Variants in NYAP2 observed in about 807,000 individuals in gnomAD.
NYAP2 encodes neuronal tyrosine-phosphorylated phosphoinositide-3-kinase adapter 2.
In NYAP2, 23 loss-of-function variants were observed where a neutral mutation model predicts 50.4. The ratio of observed to expected loss-of-function variants is 0.46; its 90% CI spans 0.33 to 0.65. The LOEUF is 0.65. NYAP2 is among the 30% of genes least tolerant of loss of function. The pLI, the probability that NYAP2 is intolerant of heterozygous loss-of-function variation, is 0.02. For missense variants in NYAP2, 885 were observed against 861.0 expected (o/e 1.03, Z -0.35); for synonymous variants, 394 against 365.2 (o/e 1.08, Z -0.90).
intron 3 of NYAP2, among the ~76,000 whole-genome samples, chr2:225,477,586 T>A (rs1488128673): frequency 6.6e-6 from 1 of 152,146 alleles, no homozygotes; most frequent in Non-Finnish European, 1.5e-5. Context: ...ACTGCTGGTC[T>A]CTGGACCTAA....
Position 225,498,462 on chromosome 2 carries a change from C to A in NYAP2, c.222-14909C>A, listed in dbSNP as rs183249917. Among the ~76,000 whole-genome samples, 512 of 151,892 alleles carry A rather than the reference C, an allele frequency of 3.4e-3. 9 individuals carry two copies. Among genetic ancestry groups the A allele is most frequent in the Admixed American group, 0.03 (455 of 15,270 alleles). ...TGACGAGATAAGAAAGAAGGCTGGG[C>A]CACATTAAGCAGAGCTTAAATTCCT... On this transcript the variant is annotated intron_variant, in intron 3 of 6. Coordinates refer to ENST00000636099, the Ensembl canonical transcript of NYAP2.
At chr2:225,673,449 T>C in the NYAP2 span, among the ~76,000 whole-genome samples, 1 of 119,444 alleles carries the variant, frequency 8.4e-6, no homozygotes, top group Non-Finnish European at 1.9e-5. Context: ...TTGCCTCAAA[T>C]CTTCAATTTA....
intron 3 of NYAP2, among the ~76,000 whole-genome samples, chr2:225,509,970 T>C (rs1040813275): frequency 1.3e-5 from 2 of 152,188 alleles, no homozygotes; most frequent in Admixed American, 1.3e-4. Context: ...AGATTGGTTT[T>C]AGTCAGTGGA....
chr2:225,401,834 G>C (rs1013096208), intron 2 of NYAP2, among the ~76,000 whole-genome samples: 2 of 151,776 alleles, frequency 1.3e-5, no homozygotes, highest in Non-Finnish European at 2.9e-5. Context: ...CATAGAATTG[G>C]ATTTTTTTTT....
At chr2:225,521,838 C>T (rs1217567990) in intron 4 of NYAP2, among the ~76,000 whole-genome samples, 16 of 152,114 alleles carry the variant, frequency 1.1e-4, no homozygotes, top group South Asian at 4.2e-4. Flanking sequence ...GGAATAATTT[C>T]GGAAGGAATG....
intron 3 of NYAP2, among the ~76,000 whole-genome samples, chr2:225,431,404 A>T (rs187372558): frequency 3.9e-4 from 59 of 152,300 alleles, no homozygotes; most frequent in African/African-American, 1.3e-3. Flanking sequence ...CTGCTTATCT[A>T]GTTTAAGCTT....
intron 3 of NYAP2, among the ~76,000 whole-genome samples, chr2:225,425,155 C>T (rs1695268626): frequency 6.6e-6 from 1 of 152,288 alleles, no homozygotes; most frequent in South Asian, 2.1e-4. Context: ...GCCATGTAAT[C>T]TCCCACCGTT....
At position 225,474,187 on chromosome 2, in the gene NYAP2, G is replaced by A. The variant is rs548198043; in HGVS notation, c.222-39184G>A. On this transcript the variant is annotated intron_variant, in intron 3 of 6. Coordinates refer to ENST00000636099, the Ensembl canonical transcript of NYAP2. ...GGTCTATATCTCTCTTTTGGTACCAGTACCATGCTGTTTTGGTTACTGTAG... is the reference window on the plus strand; with the variant it reads ...GGTCTATATCTCTCTTTTGGTACCAATACCATGCTGTTTTGGTTACTGTAG... 5.1e-3 allele frequency among the ~76,000 whole-genome samples: 770 copies of A among 152,274 alleles called. 5 individuals carry two copies. Among genetic ancestry groups the A allele is most frequent in the Non-Finnish European group, 7.1e-3 (485 of 68,014 alleles).
intron 3 of NYAP2, among the ~76,000 whole-genome samples, chr2:225,426,310 T>C (rs1199236460): frequency 6.6e-6 from 1 of 152,150 alleles, no homozygotes; most frequent in Non-Finnish European, 1.5e-5. Context: ...GTTTTCTCCA[T>C]GTAATATCAG....
intron 6 of NYAP2, 146 bp downstream of exon 6, chr2:225,627,272 T>C (rs1372339450): frequency 3.0e-6 from 2 of 660,554 alleles, no homozygotes; most frequent in African/African-American, 1.8e-5. Context: ...GTAGGTTACA[T>C]AAAGGGATAT....
intron 3 of NYAP2, among the ~76,000 whole-genome samples, chr2:225,450,956 A>C (rs151025510): frequency 2.0e-4 from 30 of 152,308 alleles, no homozygotes; most frequent in African/African-American, 7.2e-4. Flanking sequence ...GGAATAGATG[A>C]AAAAATATCA....
chr2:225,694,951 A>G, the NYAP2 span, among the ~76,000 whole-genome samples: 2 of 151,964 alleles, frequency 1.3e-5, no homozygotes, highest in Admixed American at 1.3e-4. Context: ...GTCTGAAAAA[A>G]AAAGTTATTT....
intron 4 of NYAP2, among the ~76,000 whole-genome samples, chr2:225,529,083 C>A: frequency 6.6e-6 from 1 of 152,112 alleles, no homozygotes; most frequent in East Asian, 1.9e-4. Flanking sequence ...AAGTATTGTG[C>A]TAAATTATTG....
chr2:225,401,143 G>A (rs1429897682), intron 2 of NYAP2, 100 bp downstream of exon 2: 6 of 152,426 alleles, frequency 3.9e-5, no homozygotes, highest in Non-Finnish European at 4.4e-5. Context: ...TTTTAGTTAG[G>A]GATACTTAAT....
chr2:225,470,206 AT>A (rs200103585), intron 3 of NYAP2, among the ~76,000 whole-genome samples: 2 of 151,862 alleles, frequency 1.3e-5, no homozygotes, highest in African/African-American at 4.8e-5. Flanking sequence ...TTGTGACCTG[AT>A]TTTTTTTGTG....
At chr2:225,685,431 T>A in the NYAP2 span, among the ~76,000 whole-genome samples, 1 of 152,186 alleles carries the variant, frequency 6.6e-6, no homozygotes, top group Non-Finnish European at 1.5e-5. Context: ...TCAGGGAATA[T>A]CTCTTTAGAA....
chr2:225,674,029 A>G, the NYAP2 span, among the ~76,000 whole-genome samples: 45 of 152,134 alleles, frequency 3.0e-4, no homozygotes, highest in Non-Finnish European at 5.6e-4. Flanking sequence ...GGGCTGAGGA[A>G]GTCAGGTGAA....
intron 4 of NYAP2, among the ~76,000 whole-genome samples, chr2:225,563,596 C>T (rs910731508): frequency 6.6e-6 from 1 of 151,938 alleles, no homozygotes; most frequent in Admixed American, 6.6e-5. Context: ...TAATTGATTA[C>T]AGTATTTACA....
At chr2:225,539,489 A>G (rs1691419484) in intron 4 of NYAP2, among the ~76,000 whole-genome samples, 1 of 152,188 alleles carries the variant, frequency 6.6e-6, no homozygotes, top group South Asian at 2.1e-4. Flanking sequence ...CTGTTTCTCC[A>G]CATCCTCTCC....
Sources: gnomAD v4.1 joint callset for allele counts (sites outside exome capture counted in the v4.1 genomes callset) on GRCh38, gnomAD v4.1.1 for gene constraint, MANE v1.5 for transcripts, NCBI Gene and HGNC (gene_info 2026-07-23, HGNC 2026-07-21) for gene names.